The following SLC38A2 variants were observed in gnomAD, a reference collection of about 807,000 sequenced individuals.
The protein encoded by SLC38A2 is solute carrier family 38 member 2.
A neutral mutation model predicts 61.5 loss-of-function variants in SLC38A2; 11 were observed. That is an observed-to-expected ratio of 0.18 (90% CI 0.11 to 0.30). The LOEUF (loss-of-function observed/expected upper bound fraction) is 0.30, where lower values mean the gene tolerates loss of function less well. Ranked by LOEUF, SLC38A2 falls within the 10% of genes least tolerant of loss-of-function variation. The pLI is 1.00. For synonymous variants in SLC38A2, 217 were observed against 212.5 expected, an observed-to-expected ratio of 1.02 and a Z score of -0.18; for missense variants, 522 against 600.4, an observed-to-expected ratio of 0.87 and a Z score of 1.36.
In SLC38A2 at chr12:46,359,954, C is replaced by T. The variant is rs1484971627; in HGVS notation, c.*1157G>A. The stretch of plus-strand genomic sequence containing the variant: ...ATATCATATCAAACATAGGTGTAAC[C>T]TGTGGATTAGACCTCTACTGTAGAC... On this transcript the variant is annotated 3_prime_UTR_variant, in exon 16 of 16. Transcript: ENST00000256689. The T allele has an allele frequency of 1.3e-5, 2 of 152,636 alleles. No homozygotes were observed. The highest frequency in any genetic ancestry group is 2.9e-5 in the Non-Finnish European group (2 of 68,024). 9.5% of individuals were successfully genotyped at this position (152,636 alleles called of 1,614,324 possible).
In SLC38A2 at chr12:46,363,795, T is replaced by G; in HGVS notation, c.985A>C (p.Lys329Gln). The change falls in exon 12 of 16, where the codon AAG becomes CAG. Residue 329 changes from lysine to glutamine, a missense_variant. This residue lies in a region of SLC38A2 where 309 missense variants were observed against 343.9 expected (regional missense o/e 0.90). Coordinates refer to ENST00000256689, the MANE Select transcript of SLC38A2 (RefSeq NM_018976.5). ...RSRRRMMNVS[K>Q]ISFFAMFLMY... is the part of the protein sequence containing the mutation. The stretch of plus-strand genomic sequence containing the variant: ...AGAAACATAGCAAAAAATGAAATCT[T>G]GGACACATTCATCATTCTTCTACGG... 2 of 1,597,462 alleles carry G rather than the reference T, an allele frequency of 1.3e-6. No homozygotes were observed. The highest frequency in any genetic ancestry group is 1.7e-6 in the Non-Finnish European group (2 of 1,174,732).
At position 46,370,773 on chromosome 12, in the gene SLC38A2, T is replaced by C; in HGVS notation, c.198+3A>G. ...GACAGACAAATTACTATTTTTAACT[T>C]ACAAATTCTGTTTCATACTTCTTCT... On this transcript the variant is annotated splice_donor_region_variant and intron_variant, in intron 3 of 15. Transcript: ENST00000256689. 3 of 1,609,274 alleles carry C rather than the reference T, an allele frequency of 1.9e-6. No individual in the cohort carries two copies. Among genetic ancestry groups the C allele is most frequent in the Non-Finnish European group, 2.5e-6 (3 of 1,176,862 alleles).
chr12:46,370,826 T>G lies in SLC38A2; in HGVS notation c.148A>C (p.Asn50His), dbSNP rs371903398. Residue 50 changes from asparagine to histidine, a missense_variant, in exon 3 of 16, where the codon AAC becomes CAC. Physicochemically the swap from Asn to His is moderately conservative, Grantham distance 68. This residue lies in a region of SLC38A2 where 102 missense variants were observed against 83.1 expected (regional missense o/e 1.23). Transcript: ENST00000256689. Reference protein sequence around the residue: ...HYADVDPENQNFLLESNLGKK... With the variant: ...HYADVDPENQHFLLESNLGKK... ...CCCAAATTCGATTCAAGTAAAAAGT[T>G]CTGGTTTTCAGGATCTACATCTGCA... The G allele has an allele frequency of 3.0e-5, 48 of 1,612,516 alleles. No individual in the cohort carries two copies. Among genetic ancestry groups the G allele is most frequent in the Admixed American group, 6.7e-5 (4 of 59,810 alleles).
intron 7 of SLC38A2, 59 bp from the exon 8 acceptor site, chr12:46,365,248 A>C (rs753182085): frequency 1.0e-4 from 130 of 1,292,828 alleles, no homozygotes; most frequent in Non-Finnish European, 1.4e-4. Context: ...AAATATACAC[A>C]TCTTCTAACA....
Position 46,371,384 on chromosome 12 carries a change from G to GA in SLC38A2, c.-86-6dup, listed in dbSNP as rs1293117569. ...TGCAGCGGCCCGCGAGTCGGCCTGCGAAAGTAGAGGCGGCGCGTCAGGACC... is the reference window on the plus strand; with the variant it reads ...TGCAGCGGCCCGCGAGTCGGCCTGCGAAAAGTAGAGGCGGCGCGTCAGGACC... On this transcript the variant is annotated splice_polypyrimidine_tract_variant and splice_region_variant and intron_variant, in intron 1 of 15. Transcript: ENST00000256689. The GA allele has an allele frequency of 5.9e-6, 6 of 1,016,170 alleles. No individual in the cohort carries two copies. Among genetic ancestry groups the GA allele is most frequent in the African/African-American group, 1.6e-5 (1 of 61,580 alleles). 62.9% of individuals were successfully genotyped at this position (1,016,170 alleles called of 1,614,324 possible).
chr12:46,362,740 C>T, intron 13 of SLC38A2, 102 bp from the exon 14 acceptor site: 1 of 1,246,714 alleles, frequency 8.0e-7, no homozygotes, highest in Non-Finnish European at 1.1e-6. Flanking sequence ...AACAAGGAAT[C>T]TATCCAAAAT....
chr12:46,369,160 TAC>T (rs1943168943), intron 4 of SLC38A2, among the ~76,000 whole-genome samples: 2 of 152,358 alleles, frequency 1.3e-5, no homozygotes, highest in South Asian at 4.1e-4. Flanking sequence ...TTACTTTAAC[TAC>T]ACTGGCTGCA....
chr12:46,363,788 G>T lies in SLC38A2; in HGVS notation c.992C>A (p.Ser331Ter). The T allele has an allele frequency of 6.3e-7, 1 of 1,596,098 alleles. No individual in the cohort carries two copies. The highest frequency in any genetic ancestry group is 8.5e-7 in the Non-Finnish European group (1 of 1,174,296). The change falls in exon 12 of 16, where the codon TCA becomes TAA. Residue 331 changes from serine to a stop codon, truncating the protein, a stop_gained. Coordinates refer to ENST00000256689, the MANE Select transcript of SLC38A2 (RefSeq NM_018976.5). LOFTEE classifies it high-confidence loss of function. Reference protein sequence around the residue: ...RRRMMNVSKISFFAMFLMYLL... With the variant: ...RRRMMNVSKI ...ATACATGAGAAACATAGCAAAAAAT[G>T]AAATCTTGGACACATTCATCATTCT...
rs745536128 is a variant in SLC38A2 at position 46,371,167 on chromosome 12, ACTT to A, written c.116+8_116+10del. 12 of 1,613,494 alleles carry A rather than the reference ACTT, an allele frequency of 7.4e-6. No individual in the cohort carries two copies. Among genetic ancestry groups the A allele is most frequent in the Non-Finnish European group, 9.3e-6 (11 of 1,179,398 alleles). On this transcript the variant is annotated splice_region_variant and intron_variant, in intron 2 of 15. Transcript: ENST00000256689. The stretch of plus-strand genomic sequence containing the variant: ...AAGCCGTTTTTTCAAAAGTGTCACA[ACTT>A]CTCCCACCTTTTCAGAGCAGCTTGC...
intron 4 of SLC38A2, among the ~76,000 whole-genome samples, chr12:46,367,795 C>T (rs916657730): frequency 1.5e-4 from 23 of 152,278 alleles, no homozygotes; most frequent in Admixed American, 8.5e-4. Context: ...AACTGAGACA[C>T]GTTCAGGAAA....
At position 46,367,081 on chromosome 12, in the gene SLC38A2, A is replaced by G. The variant is rs770844620; in HGVS notation, c.476T>C (p.Ile159Thr). Residue 159 changes from isoleucine to threonine, a missense_variant, in exon 6 of 16, where the codon ATT (isoleucine) becomes ACT (threonine). Ile to Thr is a moderately conservative substitution (Grantham distance 89). Coordinates refer to ENST00000256689, the MANE Select transcript of SLC38A2 (RefSeq NM_018976.5). ...ATCTTTTGAAAAATTCTTACCTCCA[A>G]TGTTCTGCATTGTAATTGATCCAGA... ...AASGSITMQN[I>T]GAMSSYLFIV... 3.7e-6 allele frequency: 6 copies of G among 1,613,906 alleles called. No homozygotes were observed. Among genetic ancestry groups the G allele is most frequent in the Non-Finnish European group, 5.1e-6 (6 of 1,179,830 alleles).
At position 46,361,032 on chromosome 12, in the gene SLC38A2, A is replaced by G. The variant is rs1409215526; in HGVS notation, c.*79T>C. On this transcript the variant is annotated 3_prime_UTR_variant, in exon 16 of 16. Transcript: ENST00000256689. ...TTCAAAAGGAAGTGAAACTGAAAACATTAGGTGAAATTTCATAGTAGTTGA... is the reference window on the plus strand; with the variant it reads ...TTCAAAAGGAAGTGAAACTGAAAACGTTAGGTGAAATTTCATAGTAGTTGA... The G allele has an allele frequency of 4.6e-6, 5 of 1,076,452 alleles. No homozygotes were observed. Among genetic ancestry groups the G allele is most frequent in the Non-Finnish European group, 7.0e-6 (5 of 717,328 alleles). The allele number at this position is 1,076,452 out of a possible 1,614,324, so 66.7% of individuals were successfully genotyped here.
Position 46,371,378 on chromosome 12 carries a change from G to T in SLC38A2, c.-85C>A. On this transcript the variant is annotated splice_region_variant and 5_prime_UTR_variant, in exon 2 of 16. Coordinates refer to ENST00000256689, the MANE Select transcript of SLC38A2 (RefSeq NM_018976.5). ...GGTGGGTGCAGCGGCCCGCGAGTCG[G>T]CCTGCGAAAGTAGAGGCGGCGCGTC... 9.2e-7 allele frequency: 1 copy of T among 1,090,342 alleles called. No homozygotes were observed. The highest frequency in any genetic ancestry group is 1.4e-6 in the Non-Finnish European group (1 of 725,136). 67.5% of individuals were successfully genotyped at this position (1,090,342 alleles called of 1,614,324 possible).
At chr12:46,367,014 A>C in intron 6 of SLC38A2, 62 bp downstream of exon 6, 1 of 1,604,400 alleles carries the variant, frequency 6.2e-7, no homozygotes. Context: ...CGCATGTGTC[A>C]CCATTCTGTG....
chr12:46,372,451 C>G (rs1943216121), intron 1 of SLC38A2, 58 bp downstream of exon 1: 1 of 373,124 alleles, frequency 2.7e-6, no homozygotes. Context: ...GGAAGCCCCT[C>G]CCCCACTCTC....
chr12:46,372,356 G>C (rs901872767), intron 1 of SLC38A2, 153 bp downstream of exon 1: 6 of 230,302 alleles, frequency 2.6e-5, no homozygotes, highest in Admixed American at 5.8e-5. Context: ...CGGCGGGCCA[G>C]GGTGGAAGGC....
chr12:46,364,450 A>T lies in SLC38A2; in HGVS notation c.812T>A (p.Leu271Ter). 1 of 1,610,538 alleles carries T rather than the reference A, an allele frequency of 6.2e-7. No homozygotes were observed. Among genetic ancestry groups the T allele is most frequent in the Non-Finnish European group, 8.5e-7 (1 of 1,178,790 alleles). ...LTQPTALVPA[L>*]SHNVTENDSC... ...GTCATTTTCAGTCACGTTATGTGAC[A>T]AAGCAGGTACAAGAGCTGTTGGCTG... Residue 271 changes from leucine to a stop codon, truncating the protein, a stop_gained, in exon 10 of 16, where the codon TTG (leucine) becomes TAG (stop). Coordinates refer to ENST00000256689, the MANE Select transcript of SLC38A2 (RefSeq NM_018976.5). LOFTEE classifies it high-confidence loss of function.
chr12:46,364,621 T>C, intron 9 of SLC38A2, 23 bp downstream of exon 9: 3 of 1,597,952 alleles, frequency 1.9e-6, no homozygotes, highest in Non-Finnish European at 2.6e-6. Flanking sequence ...AAAAATTTTT[T>C]CTAAAAAAAA....
intron 2 of SLC38A2, 76 bp downstream of exon 2, chr12:46,371,102 G>C: frequency 8.3e-7 from 1 of 1,205,350 alleles, no homozygotes; most frequent in South Asian, 1.2e-5. Flanking sequence ...TAAAGCAATG[G>C]AAGCAGAGTC....
Sources: gnomAD v4.1 joint callset for allele counts (sites outside exome capture counted in the v4.1 genomes callset) on GRCh38, gnomAD v4.1.1 for gene constraint, gnomAD v4.1.1 regional missense constraint, MANE v1.5 for transcripts, NCBI Gene and HGNC (gene_info 2026-07-23, HGNC 2026-07-21) for gene names.